The following NCKAP5 variants were observed in gnomAD, a reference collection of about 807,000 sequenced individuals.
NCKAP5 encodes the protein nck-associated protein 5.
Under a neutral mutation model 167.0 loss-of-function variants are expected in NCKAP5, and 92 were observed. The observed-to-expected ratio is 0.55, with a 90% CI of 0.47 to 0.66. The LOEUF (loss-of-function observed/expected upper bound fraction) is 0.66, where lower values mean the gene tolerates loss of function less well. NCKAP5 is among the 30% of genes least tolerant of loss of function. The pLI is 0.00. For missense variants in NCKAP5, 2,378 were observed against 2,315.0 expected (o/e 1.03, Z -0.56); for synonymous variants, 891 against 877.4 (o/e 1.02, Z -0.27).
At chr2:132,819,688 C>A (rs191148386) in intron 11 of NCKAP5, among the ~76,000 whole-genome samples, 2 of 151,022 alleles carry the variant, frequency 1.3e-5, no homozygotes, top group Admixed American at 1.3e-4. Flanking sequence ...TGGTTGAAGT[C>A]ATTCACTTAA....
chr2:133,615,441 A>G, the NCKAP5 span, among the ~76,000 whole-genome samples: 6 of 152,186 alleles, frequency 3.9e-5, no homozygotes, highest in Admixed American at 6.5e-5. Flanking sequence ...CTCAAAATAA[A>G]AGGATGGAGA....
At chr2:133,196,818 T>C (rs1277726472) in intron 5 of NCKAP5, among the ~76,000 whole-genome samples, 1 of 152,102 alleles carries the variant, frequency 6.6e-6, no homozygotes, top group Non-Finnish European at 1.5e-5. Context: ...CTTACAATGT[T>C]TAGTTTTTTC....
chr2:132,692,019 T>C (rs982200153), intron 19 of NCKAP5, among the ~76,000 whole-genome samples: 2 of 152,192 alleles, frequency 1.3e-5, no homozygotes, highest in African/African-American at 4.8e-5. Flanking sequence ...ACAAAACCTC[T>C]GTTCAAATGT....
chr2:133,221,062 C>G (rs897655677), intron 4 of NCKAP5, among the ~76,000 whole-genome samples: 1 of 152,160 alleles, frequency 6.6e-6, no homozygotes, highest in Admixed American at 6.5e-5. Flanking sequence ...AGGTATGAAT[C>G]CAGCTCACGT....
At chr2:133,456,854 C>T (rs1431705390) in intron 3 of NCKAP5, among the ~76,000 whole-genome samples, 1 of 152,182 alleles carries the variant, frequency 6.6e-6, no homozygotes, top group Admixed American at 6.5e-5. Context: ...GTCAAACCCA[C>T]ACATTTAACC....
intron 6 of NCKAP5, among the ~76,000 whole-genome samples, chr2:133,096,371 C>G (rs1214821835): frequency 4.0e-5 from 6 of 151,856 alleles, no homozygotes; most frequent in Non-Finnish European, 8.8e-5. Flanking sequence ...CGCCTGTGTC[C>G]CAGCTACTTG....
chr2:133,031,081 G>T (rs560619772), intron 6 of NCKAP5, among the ~76,000 whole-genome samples: 29 of 152,084 alleles, frequency 1.9e-4, no homozygotes, highest in African/African-American at 6.8e-4. Flanking sequence ...CCCCCTACAA[G>T]GACACCAAGT....
intron 3 of NCKAP5, among the ~76,000 whole-genome samples, chr2:133,375,986 A>G (rs912367765): frequency 2.0e-5 from 3 of 152,200 alleles, no homozygotes; most frequent in African/African-American, 7.2e-5. Flanking sequence ...CAATAAATTC[A>G]TGTCAAGGAA....
At chr2:133,557,568 G>A (rs1001538481) in intron 2 of NCKAP5, among the ~76,000 whole-genome samples, 4 of 152,194 alleles carry the variant, frequency 2.6e-5, no homozygotes, top group Non-Finnish European at 5.9e-5. Context: ...CAAAATTGAA[G>A]ACATGTCAGT....
intron 4 of NCKAP5, among the ~76,000 whole-genome samples, chr2:133,243,064 C>A (rs1020820812): frequency 6.6e-6 from 1 of 151,914 alleles, no homozygotes; most frequent in South Asian, 2.1e-4. Flanking sequence ...CAAAAGTAAT[C>A]ACTTTTAGGG....
At chr2:132,736,951 A>G (rs1244357108) in intron 16 of NCKAP5, among the ~76,000 whole-genome samples, 2 of 152,178 alleles carry the variant, frequency 1.3e-5, no homozygotes, top group East Asian at 1.9e-4. Flanking sequence ...CACCAATTAC[A>G]TCTCTGATTC....
rs531346011 is a variant in NCKAP5, at chr2:133,432,203, T to A, written c.69+85255A>T. 2.2e-4 allele frequency among the ~76,000 whole-genome samples: 34 copies of A among 152,302 alleles called. No homozygotes were observed. In the South Asian group the frequency reaches 2.5e-3, roughly 11 times the overall value. On this transcript the variant is annotated intron_variant, in intron 3 of 19. Coordinates refer to ENST00000409261, the MANE Select transcript of NCKAP5 (RefSeq NM_207363.3). ...AACTGCAGGACTCATACTACCAAAT[T>A]ATCTGTATCATGCAACCAACTTAGC...
At chr2:133,205,891 CTGA>C (rs1406350703) in intron 5 of NCKAP5, among the ~76,000 whole-genome samples, 1 of 151,986 alleles carries the variant, frequency 6.6e-6, no homozygotes, top group Admixed American at 6.6e-5. Flanking sequence ...TTTCTAAGGG[CTGA>C]TGATTGATAT....
intron 8 of NCKAP5, among the ~76,000 whole-genome samples, chr2:132,901,065 A>G (rs1693589750): frequency 6.6e-6 from 1 of 151,624 alleles, no homozygotes; most frequent in South Asian, 2.1e-4. Flanking sequence ...AGAAAGTTAC[A>G]TCTCTACTTT....
chr2:132,860,026 T>C (rs1689768366), intron 11 of NCKAP5, among the ~76,000 whole-genome samples: 1 of 152,136 alleles, frequency 6.6e-6, no homozygotes. Flanking sequence ...ACAGGAGACG[T>C]TCTGTTATAA....
At chr2:133,639,470 A>G in the NCKAP5 span, among the ~76,000 whole-genome samples, 1 of 152,194 alleles carries the variant, frequency 6.6e-6, no homozygotes, top group Non-Finnish European at 1.5e-5. Context: ...TTGTCCCAGC[A>G]GAAGAGGCTG....
chr2:132,820,498 G>A (rs919269937), intron 11 of NCKAP5, among the ~76,000 whole-genome samples: 10 of 151,648 alleles, frequency 6.6e-5, no homozygotes, highest in African/African-American at 2.4e-4. Flanking sequence ...AAAGTGCTGG[G>A]ATTACAGGCG....
chr2:133,109,976 C>T (rs1261539164), intron 6 of NCKAP5, among the ~76,000 whole-genome samples: 1 of 152,140 alleles, frequency 6.6e-6, no homozygotes. Flanking sequence ...TTTCCTTGGA[C>T]TTGATACAAG....
intron 6 of NCKAP5, among the ~76,000 whole-genome samples, chr2:133,099,315 C>T (rs2081432706): frequency 6.6e-6 from 1 of 152,078 alleles, no homozygotes; most frequent in Non-Finnish European, 1.5e-5. Context: ...GTTTTCTGCA[C>T]CTGAATTTGA....
Sources: gnomAD v4.1 joint callset for allele counts (sites outside exome capture counted in the v4.1 genomes callset) on GRCh38, gnomAD v4.1.1 for gene constraint, MANE v1.5 for transcripts, NCBI Gene and HGNC (gene_info 2026-07-23, HGNC 2026-07-21) for gene names.